The following TESC variants were observed in gnomAD, a reference collection of about 807,000 sequenced individuals.
TESC encodes calcineurin B homologous protein 3.
Under a neutral mutation model 31.0 loss-of-function variants are expected in TESC, and 19 were observed. The observed-to-expected ratio is 0.61, with a 90% CI of 0.43 to 0.90. TESC has a LOEUF of 0.90. Among genes scored for constraint, TESC ranks in the 40% least tolerant of loss-of-function variants. The pLI, the probability that TESC is intolerant of heterozygous loss-of-function variation, is 0.00. For missense variants in TESC, 248 were observed against 303.8 expected (o/e 0.82, Z 1.36); for synonymous variants, 109 against 114.8 (o/e 0.95, Z 0.32).
intron 1 of TESC, among the ~76,000 whole-genome samples, chr12:117,091,881 C>T (rs1210280203): frequency 1.3e-5 from 2 of 152,138 alleles, no homozygotes; most frequent in African/African-American, 2.4e-5. Flanking sequence ...GCATGGCCTC[C>T]CCCAGATCAC....
At chr12:117,065,214 C>T (rs1954858793) in intron 2 of TESC, among the ~76,000 whole-genome samples, 1 of 152,178 alleles carries the variant, frequency 6.6e-6, no homozygotes, top group East Asian at 1.9e-4. Flanking sequence ...ACAGTGAAGA[C>T]AGACACAGGG....
At chr12:117,058,442 T>C (rs1954759633) in intron 2 of TESC, among the ~76,000 whole-genome samples, 1 of 151,722 alleles carries the variant, frequency 6.6e-6, no homozygotes, top group African/African-American at 2.4e-5. Flanking sequence ...TTGGGAGTGA[T>C]GAATATGTTC....
chr12:117,041,177 G>A (rs1278908707), intron 7 of TESC, among the ~76,000 whole-genome samples: 1 of 152,212 alleles, frequency 6.6e-6, no homozygotes, highest in Non-Finnish European at 1.5e-5. Flanking sequence ...CATCAGGGAG[G>A]AGGGCAGAGT....
At chr12:117,048,312 G>A (rs560402102) in intron 4 of TESC, among the ~76,000 whole-genome samples, 12 of 152,284 alleles carry the variant, frequency 7.9e-5, no homozygotes, top group East Asian at 3.9e-4. Flanking sequence ...CCCGCCACCC[G>A]GGCTGTTCCC....
intron 4 of TESC, among the ~76,000 whole-genome samples, chr12:117,047,840 A>C (rs1370393537): frequency 2.6e-5 from 4 of 152,116 alleles, no homozygotes; most frequent in Admixed American, 2.6e-4. Flanking sequence ...TCCTGGGCTC[A>C]AACTACCCTC....
rs1252370786 is a variant in TESC at position 117,048,680 on chromosome 12, C to A, written c.349+339G>T. On this transcript the variant is annotated intron_variant, in intron 4 of 7. Coordinates refer to ENST00000335209, the MANE Select transcript of TESC (RefSeq NM_017899.4). Reference sequence around the variant, plus strand: ...CTCAGAACCACGCATGATCGGCATACCCACGTTCTGGGTCAAGGTTCAAGG... The same window carrying A: ...CTCAGAACCACGCATGATCGGCATAACCACGTTCTGGGTCAAGGTTCAAGG... The A allele has an allele frequency of 6.1e-6, 3 of 494,492 alleles. No homozygotes were observed. The Admixed American group carries it at 6.9e-5, about 11-fold the overall frequency. The allele number at this position is 494,492 out of a possible 1,614,324, so 30.6% of individuals were successfully genotyped here.
At chr12:117,046,733 G>C in intron 5 of TESC, 44 bp downstream of exon 5, 1 of 1,554,156 alleles carries the variant, frequency 6.4e-7, no homozygotes, top group Non-Finnish European at 8.7e-7. Flanking sequence ...GGCAGAGGGG[G>C]AAGGCACCAG....
chr12:117,095,265 G>A (rs962970058), intron 1 of TESC, among the ~76,000 whole-genome samples: 1 of 152,012 alleles, frequency 6.6e-6, no homozygotes, highest in Non-Finnish European at 1.5e-5. Context: ...AGTAGAGACA[G>A]GGTTTCACTA....
intron 1 of TESC, among the ~76,000 whole-genome samples, chr12:117,098,108 T>C (rs547866930): frequency 6.6e-6 from 1 of 152,286 alleles, no homozygotes; most frequent in South Asian, 2.1e-4. Flanking sequence ...GAGGGGTTGC[T>C]TTTCAGCTGA....
chr12:117,090,842 CAGG>C (rs973061349), intron 1 of TESC, among the ~76,000 whole-genome samples: 2 of 152,192 alleles, frequency 1.3e-5, no homozygotes, highest in African/African-American at 4.8e-5. Context: ...CACAGGTGCT[CAGG>C]AGGAGCTTAG....
chr12:117,044,141 G>C (rs1026503580), intron 6 of TESC, among the ~76,000 whole-genome samples: 2 of 152,114 alleles, frequency 1.3e-5, no homozygotes, highest in Non-Finnish European at 2.9e-5. Context: ...GTGTACACCT[G>C]TAGTCCCAGC....
chr12:117,041,596 G>A (rs1400016671), intron 7 of TESC, among the ~76,000 whole-genome samples: 4 of 152,164 alleles, frequency 2.6e-5, no homozygotes, highest in South Asian at 2.1e-4. Context: ...GCCTCCCAAC[G>A]TGCTGGGATT....
At chr12:117,056,988 C>T (rs1195967735) in intron 2 of TESC, 102 bp from the exon 3 acceptor site, 1 of 1,081,302 alleles carries the variant, frequency 9.2e-7, no homozygotes, top group Non-Finnish European at 1.4e-6. Context: ...GGATCCCTAA[C>T]AGGCCCCCAC....
chr12:117,050,929 G>A (rs185796257), intron 3 of TESC, among the ~76,000 whole-genome samples: 18 of 152,260 alleles, frequency 1.2e-4, no homozygotes, highest in Admixed American at 7.8e-4. Flanking sequence ...TGTCTCAAAC[G>A]AAAGAAACAA....
At chr12:117,067,486 C>T (rs1378133896) in intron 2 of TESC, among the ~76,000 whole-genome samples, 1 of 152,086 alleles carries the variant, frequency 6.6e-6, no homozygotes, top group African/African-American at 2.4e-5. Flanking sequence ...GCAGGATGAT[C>T]GCTTGAGCCC....
At chr12:117,068,508 G>A (rs954243098) in intron 2 of TESC, among the ~76,000 whole-genome samples, 3 of 152,158 alleles carry the variant, frequency 2.0e-5, no homozygotes, top group African/African-American at 7.2e-5. Context: ...CAGCCTGGCT[G>A]ACAGAGCGAG....
intron 1 of TESC, among the ~76,000 whole-genome samples, chr12:117,083,091 T>C (rs887790176): frequency 2.8e-5 from 1 of 35,898 alleles, no homozygotes. Context: ...CCAAAACAAT[T>C]TTTTTTTTTT....
Position 117,099,283 on chromosome 12 carries a change from G to T in TESC, c.-1C>A. The T allele has an allele frequency of 6.9e-7, 1 of 1,440,156 alleles. No homozygotes were observed. The highest frequency in any genetic ancestry group is 9.1e-7 in the Non-Finnish European group (1 of 1,102,782). The allele number at this position is 1,440,156 out of a possible 1,614,324, so 89.2% of individuals were successfully genotyped here. A position where few individuals can be genotyped will look rare whatever the true frequency, so the allele number is the denominator to read the frequency against. ...CAGACGCGGAGTGGGCAGCGCCCAT[G>T]GTGCCCGCGGCGGGGGCCCCGGGGC... On this transcript the variant is annotated 5_prime_UTR_variant, in exon 1 of 8. Coordinates refer to ENST00000335209, the MANE Select transcript of TESC (RefSeq NM_017899.4).
intron 4 of TESC, 124 bp from the exon 5 acceptor site, chr12:117,046,962 G>A (rs1954576477): frequency 9.7e-7 from 1 of 1,035,768 alleles, no homozygotes; most frequent in African/African-American, 1.6e-5. Flanking sequence ...AGCCAGAGGG[G>A]TCAGGGCATG....
Sources: allele counts gnomAD v4.1 joint callset (sites outside exome capture counted in the v4.1 genomes callset), GRCh38; gene constraint gnomAD v4.1.1; transcripts MANE v1.5; gene names NCBI Gene and HGNC (gene_info 2026-07-23, HGNC 2026-07-21).